INPP5F: variants seen among roughly 807,000 people sequenced by gnomAD.
INPP5F encodes the protein phosphatidylinositide 4-phosphatase SAC2.
Under a neutral mutation model 137.2 loss-of-function variants are expected in INPP5F, and 97 were observed. The ratio of observed to expected loss-of-function variants is 0.71; its 90% CI spans 0.60 to 0.84. The LOEUF is 0.84. Among genes scored for constraint, INPP5F ranks in the 40% least tolerant of loss-of-function variants. The pLI is 0.00. For missense variants in INPP5F, 1,271 were observed against 1,371.9 expected (o/e 0.93, Z 1.16); for synonymous variants, 504 against 476.9 (o/e 1.06, Z -0.74).
In INPP5F at chr10:119,805,301, C is replaced by G. The variant is rs1850729739; in HGVS notation, c.1242-83C>G. On this transcript the variant is annotated intron_variant, in intron 10 of 19. Transcript: ENST00000650623. ...AACAATTCTTTTTAATTTTTCGAAG[C>G]TACATTAAATAGCATATCTTAAGTT... 3.0e-6 allele frequency: 3 copies of G among 1,001,690 alleles called. No individual in the cohort carries two copies. The East Asian group carries it at 7.6e-5, about 26-fold the overall frequency. The allele number at this position is 1,001,690 out of a possible 1,614,324, so 62.1% of individuals were successfully genotyped here. A position where few individuals can be genotyped will look rare whatever the true frequency, so the allele number is the denominator to read the frequency against.
intron 2 of INPP5F, among the ~76,000 whole-genome samples, chr10:119,763,335 C>T (rs1324787805): frequency 1.3e-5 from 2 of 152,202 alleles, no homozygotes; most frequent in Admixed American, 1.3e-4. Flanking sequence ...CTGGTTGTTC[C>T]TATCCTCACG....
Position 119,810,445 on chromosome 10 carries a change from A to C in INPP5F, c.1687+228A>C, listed in dbSNP as rs183100932. Among the ~76,000 whole-genome samples, 285 of 152,338 alleles carry C rather than the reference A, an allele frequency of 1.9e-3. 2 individuals carry two copies. Among genetic ancestry groups the C allele is most frequent in the African/African-American group, 6.4e-3 (268 of 41,578 alleles). ...CATCTATTTTCCATGCATATTTGTC[A>C]GTTTATTACTCAGGTAATAGAAAGC... On this transcript the variant is annotated intron_variant, in intron 14 of 19. Transcript: ENST00000650623.
intron 1 of INPP5F, among the ~76,000 whole-genome samples, chr10:119,745,866 G>A (rs1002870213): frequency 3.3e-5 from 5 of 151,696 alleles, no homozygotes; most frequent in Admixed American, 2.6e-4. Context: ...TACCATGCCC[G>A]GCTAGTTTTT....
intron 1 of INPP5F, among the ~76,000 whole-genome samples, chr10:119,730,985 T>C (rs71480967): frequency 0.044 from 6,613 of 152,010 alleles, 237 homozygotes; most frequent in South Asian, 0.22. Flanking sequence ...GATGGGGTTT[T>C]ACCATGTTGG....
chr10:119,726,387 A>G, intron 1 of INPP5F, 28 bp downstream of exon 1: 1 of 1,241,488 alleles, frequency 8.1e-7, no homozygotes, highest in South Asian at 2.5e-5. Flanking sequence ...GGCGGGGGGC[A>G]CCCCGGGCCA....
intron 8 of INPP5F, 111 bp from the exon 9 acceptor site, chr10:119,798,432 G>A: frequency 1.4e-6 from 1 of 718,684 alleles, no homozygotes; most frequent in Non-Finnish European, 2.3e-6. Context: ...GACAATCTTA[G>A]TTCATTTGGG....
At chr10:119,783,312 C>T (rs538397003) in intron 3 of INPP5F, among the ~76,000 whole-genome samples, 1 of 152,270 alleles carries the variant, frequency 6.6e-6, no homozygotes, top group South Asian at 2.1e-4. Flanking sequence ...TATCACAGAC[C>T]TTTCCCTTGA....
chr10:119,790,587 T>C (rs1472309160), intron 3 of INPP5F, among the ~76,000 whole-genome samples: 1 of 152,252 alleles, frequency 6.6e-6, no homozygotes, highest in Admixed American at 6.5e-5. Flanking sequence ...AACTCGCTTT[T>C]CTTCTCACTT....
intron 2 of INPP5F, among the ~76,000 whole-genome samples, chr10:119,780,852 A>T (rs892808421): frequency 7.2e-5 from 11 of 152,204 alleles, no homozygotes; most frequent in Non-Finnish European, 1.6e-4. Flanking sequence ...ATATGAGAGG[A>T]TGTGCATAGG....
chr10:119,819,743 A>G (rs1468525140), intron 15 of INPP5F: 2 of 392,480 alleles, frequency 5.1e-6, no homozygotes, highest in East Asian at 7.8e-5. Flanking sequence ...GTACGTGCAA[A>G]TTGAGGTGAA....
In INPP5F at chr10:119,828,557, G is replaced by A. The variant is rs532834426; in HGVS notation, c.*777G>A. ...GTCAGGTTTTAATTTATTCCAGGAG[G>A]GGCATCCTCGACATCTTATGTAGAT... On this transcript the variant is annotated 3_prime_UTR_variant, in exon 20 of 20. Coordinates refer to ENST00000650623, the MANE Select transcript of INPP5F (RefSeq NM_014937.4). 6.6e-6 allele frequency: 1 copy of A among 152,252 alleles called. No homozygotes were observed. Among genetic ancestry groups the A allele is most frequent in the African/African-American group, 2.4e-5 (1 of 41,540 alleles). The allele number at this position is 152,252 out of a possible 1,614,324, so 9.4% of individuals were successfully genotyped here. A position where few individuals can be genotyped will look rare whatever the true frequency, so the allele number is the denominator to read the frequency against.
intron 2 of INPP5F, among the ~76,000 whole-genome samples, chr10:119,771,872 ATATATATATATTTTTTTTTTTTTTTT>A (rs1472631428): frequency 4.4e-4 from 8 of 18,288 alleles, no homozygotes; most frequent in Non-Finnish European, 8.2e-4. Flanking sequence ...ATATATATAT[ATATATATATATTTTTTTTTTTTTTTT>A]TTTTTTTTTT....
rs187100421 is a variant in INPP5F, at chr10:119,827,891, T to C, written c.*111T>C. 35 of 858,888 alleles carry C rather than the reference T, an allele frequency of 4.1e-5. No homozygotes were observed. Among genetic ancestry groups the C allele is most frequent in the African/African-American group, 3.9e-4 (23 of 58,454 alleles). 53.2% of individuals were successfully genotyped at this position (858,888 alleles called of 1,614,324 possible). On this transcript the variant is annotated 3_prime_UTR_variant, in exon 20 of 20. Transcript: ENST00000650623. ...ACCCAGGGATCACAAATTCTGTTCA[T>C]TGGAAAGGGTTTTAAACGGAGTCGG... is the stretch of plus-strand genomic sequence containing the variant.
At chr10:119,808,203 C>A in intron 13 of INPP5F, 143 bp downstream of exon 13, 2 of 959,506 alleles carry the variant, frequency 2.1e-6, no homozygotes, top group Non-Finnish European at 3.0e-6. Flanking sequence ...TAAGGCAGGG[C>A]CAGGTAATGT....
At position 119,726,251 on chromosome 10, in the gene INPP5F, C is replaced by A; in HGVS notation, c.-12C>A. 2.1e-6 allele frequency: 3 copies of A among 1,449,322 alleles called. No homozygotes were observed. The highest frequency in any genetic ancestry group is 2.7e-6 in the Non-Finnish European group (3 of 1,098,608). The allele number at this position is 1,449,322 out of a possible 1,614,324, so 89.8% of individuals were successfully genotyped here. On this transcript the variant is annotated 5_prime_UTR_variant, in exon 1 of 20. Coordinates refer to ENST00000650623, the MANE Select transcript of INPP5F (RefSeq NM_014937.4). ...CCGCGGGCCGCCGCCTCCCTGGGCGCGCGGGGCCAGCATGGAGCTCTTCCA... is the reference window on the plus strand; with the variant it reads ...CCGCGGGCCGCCGCCTCCCTGGGCGAGCGGGGCCAGCATGGAGCTCTTCCA...
intron 3 of INPP5F, among the ~76,000 whole-genome samples, chr10:119,785,634 G>A (rs1849882336): frequency 6.6e-6 from 1 of 151,766 alleles, no homozygotes; most frequent in South Asian, 2.1e-4. Context: ...CGAGGTGGGA[G>A]GATTGCTTAA....
Position 119,804,258 on chromosome 10 carries a change from C to T in INPP5F, c.1202C>T (p.Ser401Leu), listed in dbSNP as rs1850689980. 4 of 1,612,824 alleles carry T rather than the reference C, an allele frequency of 2.5e-6. No homozygotes were observed. The highest frequency in any genetic ancestry group is 3.4e-6 in the Non-Finnish European group (4 of 1,179,578). Residue 401 changes from serine (S) to leucine (L), a missense_variant, in exon 10 of 20, where the codon TCA becomes TTA. Physicochemically the swap from Ser to Leu is moderately radical, Grantham distance 145 (BLOSUM62 -2). This residue lies in a region of INPP5F where 593 missense variants were observed against 712.4 expected (regional missense o/e 0.83). Transcript: ENST00000650623. ...AAGCAAGTGTTGCTTTTCAACAACT[C>T]ACACCTCACTTACGTTTCGTTTGAC... ...YLKQVLLFNN[S>L]HLTYVSFDFH... is the part of the protein sequence containing the mutation.
intron 2 of INPP5F, among the ~76,000 whole-genome samples, chr10:119,752,341 T>C (rs1213657013): frequency 6.6e-6 from 1 of 152,098 alleles, no homozygotes; most frequent in Non-Finnish European, 1.5e-5. Flanking sequence ...TTCCAGAACT[T>C]TGGGAGGCCG....
intron 2 of INPP5F, among the ~76,000 whole-genome samples, chr10:119,758,962 G>A (rs1435075434): frequency 7.9e-5 from 12 of 152,160 alleles, no homozygotes; most frequent in African/African-American, 2.9e-4. Flanking sequence ...TATTTTAGTG[G>A]TAAATGGAGT....
Sources: allele counts gnomAD v4.1 joint callset (sites outside exome capture counted in the v4.1 genomes callset), GRCh38; gene constraint gnomAD v4.1.1; regional missense constraint gnomAD v4.1.1; transcripts MANE v1.5; gene names NCBI Gene and HGNC (gene_info 2026-07-23, HGNC 2026-07-21).